MYOF: variants seen among roughly 807,000 people sequenced by gnomAD.
MYOF encodes the protein fer-1-like 3, myoferlin.
Under a neutral mutation model 284.2 loss-of-function variants are expected in MYOF, and 244 were observed. The ratio of observed to expected loss-of-function variants is 0.86; its 90% CI spans 0.77 to 0.95. The LOEUF (loss-of-function observed/expected upper bound fraction) is 0.95. Among genes scored for constraint, MYOF ranks in the 40% least tolerant of loss-of-function variants. The pLI is 0.00. For synonymous variants in MYOF, 904 were observed against 919.7 expected, an observed-to-expected ratio of 0.98 and a Z score of 0.31; for missense variants, 2,496 against 2,560.6, an observed-to-expected ratio of 0.97 and a Z score of 0.54.
At chr10:93,404,682 A>G (rs1235235165) in intron 7 of MYOF, among the ~76,000 whole-genome samples, 1 of 151,184 alleles carries the variant, frequency 6.6e-6, no homozygotes, top group Non-Finnish European at 1.5e-5. Flanking sequence ...ATCCAAGGTG[A>G]CTTCATGCTG....
At chr10:93,356,619 A>T in intron 30 of MYOF, 56 bp downstream of exon 30, 2 of 1,548,710 alleles carry the variant, frequency 1.3e-6, no homozygotes, top group Non-Finnish European at 1.7e-6. Flanking sequence ...TGTATCCAAC[A>T]CTCATATATT....
chr10:93,460,501 C>G (rs191571454), intron 1 of MYOF, among the ~76,000 whole-genome samples: 1 of 152,354 alleles, frequency 6.6e-6, no homozygotes, highest in South Asian at 2.1e-4. Flanking sequence ...TGGCGGCTCA[C>G]GCCTGTAATC....
chr10:93,329,861 T>A (rs1173639257), intron 43 of MYOF, 27 bp from the exon 44 acceptor site: 1 of 1,612,342 alleles, frequency 6.2e-7, no homozygotes. Context: ...AAGGTCAGAA[T>A]CTTCATGATC....
chr10:93,350,486 T>C (rs548682596), intron 35 of MYOF, among the ~76,000 whole-genome samples: 2 of 152,224 alleles, frequency 1.3e-5, no homozygotes, highest in South Asian at 4.2e-4. Context: ...CTAATTTTTG[T>C]ATTTTTAGTA....
At chr10:93,351,339 A>C in intron 34 of MYOF, 44 bp from the exon 35 acceptor site, 1 of 1,609,020 alleles carries the variant, frequency 6.2e-7, no homozygotes, top group Non-Finnish European at 8.5e-7. Flanking sequence ...CTTTAGTTCA[A>C]GCAAACAGTG....
At chr10:93,406,385 C>T (rs1352646943) in intron 7 of MYOF, among the ~76,000 whole-genome samples, 1 of 144,282 alleles carries the variant, frequency 6.9e-6, no homozygotes, top group Non-Finnish European at 1.5e-5. Context: ...ATGTACTGGA[C>T]TTCTCTTTTG....
chr10:93,314,547 G>C (rs1186156672), intron 50 of MYOF, among the ~76,000 whole-genome samples: 1 of 152,188 alleles, frequency 6.6e-6, no homozygotes, highest in Non-Finnish European at 1.5e-5. Flanking sequence ...TGGCAGCAAA[G>C]AGCAACAAGG....
At chr10:93,423,874 A>G (rs896190966) in intron 5 of MYOF, among the ~76,000 whole-genome samples, 3 of 151,878 alleles carry the variant, frequency 2.0e-5, no homozygotes, top group African/African-American at 7.3e-5. Flanking sequence ...ACAGACACAT[A>G]GAGAGGAAGA....
At chr10:93,468,204 C>T (rs866015915) in intron 1 of MYOF, among the ~76,000 whole-genome samples, 3 of 152,358 alleles carry the variant, frequency 2.0e-5, no homozygotes, top group Middle Eastern at 3.4e-3. Flanking sequence ...CACTCAACCT[C>T]TCTGGCTTCT....
intron 1 of MYOF, among the ~76,000 whole-genome samples, chr10:93,460,581 TG>T (rs34161210): frequency 0.95 from 144,757 of 151,812 alleles, 69,381 homozygotes; most frequent in East Asian, 1. Context: ...CTGGACAACA[TG>T]GGTGAAACCC....
At chr10:93,464,769 G>C (rs1450550311) in intron 1 of MYOF, among the ~76,000 whole-genome samples, 1 of 152,118 alleles carries the variant, frequency 6.6e-6, no homozygotes, top group Non-Finnish European at 1.5e-5. Flanking sequence ...CTCAGGAAAA[G>C]TTAGGGTGCT....
At chr10:93,426,376 G>C (rs766739015) in intron 4 of MYOF, among the ~76,000 whole-genome samples, 41 of 152,254 alleles carry the variant, frequency 2.7e-4, no homozygotes, top group Admixed American at 1.1e-3. Flanking sequence ...CCCTGTCACA[G>C]GTTGCCAAGT....
At chr10:93,395,361 T>C (rs1450662239) in intron 16 of MYOF, among the ~76,000 whole-genome samples, 1 of 152,222 alleles carries the variant, frequency 6.6e-6, no homozygotes, top group Non-Finnish European at 1.5e-5. Context: ...GAGAACTGCT[T>C]GAACCTGGGA....
intron 32 of MYOF, 26 bp from the exon 33 acceptor site, chr10:93,351,872 C>A: frequency 6.4e-7 from 1 of 1,562,736 alleles, no homozygotes; most frequent in Non-Finnish European, 8.6e-7. Context: ...AGAATAACAA[C>A]GGGGCCACGG....
intron 43 of MYOF, 32 bp from the exon 44 acceptor site, chr10:93,329,866 A>G (rs1037255210): frequency 1.8e-5 from 29 of 1,611,350 alleles, no homozygotes; most frequent in Non-Finnish European, 2.2e-5. Context: ...CAGAATCTTC[A>G]TGATCCATCT....
In MYOF at chr10:93,452,112, T is replaced by C. The variant is rs377544715; in HGVS notation, c.174A>G (p.Pro58=). The C allele has an allele frequency of 1.9e-6, 3 of 1,612,178 alleles. No homozygotes were observed. Among genetic ancestry groups the C allele is most frequent in the Non-Finnish European group, 2.5e-6 (3 of 1,179,600 alleles). ...TCCCAAGGGAAGATGAAAAGTCCAG[T>C]GGTATACCCCTCAAGTCAAACTCCA... ...EILEFDLRGI[P]LDFSSSLGII... Residue 58 remains proline (P), a synonymous_variant, in exon 3 of 54, where the codon CCA becomes CCG. Transcript: ENST00000359263.
Position 93,343,933 on chromosome 10 carries a change from C to T in MYOF, c.4250-1G>A. ...CATGGTGGGGCAGACAGAAGGGAGG[C>T]TGCAAGACAAATACTTTCTTAATCT... On this transcript the variant is annotated splice_acceptor_variant, in intron 37 of 53. Transcript: ENST00000359263. LOFTEE classifies it high-confidence loss of function. The T allele has an allele frequency of 6.2e-7, 1 of 1,614,128 alleles. No homozygotes were observed. Among genetic ancestry groups the T allele is most frequent in the Non-Finnish European group, 8.5e-7 (1 of 1,180,000 alleles).
chr10:93,477,703 C>T (rs944104415), intron 1 of MYOF, among the ~76,000 whole-genome samples: 4 of 151,860 alleles, frequency 2.6e-5, no homozygotes, highest in African/African-American at 7.2e-5. Context: ...AAAAATTAGC[C>T]GGGCGTGATG....
intron 37 of MYOF, among the ~76,000 whole-genome samples, chr10:93,344,641 T>C (rs188047096): frequency 6.9e-5 from 10 of 145,902 alleles, no homozygotes; most frequent in Admixed American, 4.9e-4. Context: ...AGATAACAGG[T>C]TAATGGGTGC....
Sources: gnomAD v4.1 joint callset for allele counts (sites outside exome capture counted in the v4.1 genomes callset) on GRCh38, gnomAD v4.1.1 for gene constraint, MANE v1.5 for transcripts, NCBI Gene and HGNC (gene_info 2026-07-23, HGNC 2026-07-21) for gene names.